Variants in RTN4IP1 observed in about 807,000 individuals in gnomAD.
RTN4IP1 encodes reticulon 4 interacting protein 1, also known as NAD(P)H oxidoreductase RTN4IP1, mitochondrial.
In RTN4IP1, 32 loss-of-function variants were observed where a neutral mutation model predicts 46.6. That is an observed-to-expected ratio of 0.69 (90% CI 0.52 to 0.92). RTN4IP1 has a LOEUF of 0.92. Among genes scored for constraint, RTN4IP1 ranks in the 40% least tolerant of loss-of-function variants. The pLI, the probability that RTN4IP1 is intolerant of heterozygous loss-of-function variation, is 0.00. For missense variants in RTN4IP1, 424 were observed against 485.8 expected (o/e 0.87, Z 1.20); for synonymous variants, 167 against 161.8 (o/e 1.03, Z -0.24).
In RTN4IP1 at chr6:106,580,148, A is replaced by G. The variant is rs1240378108; in HGVS notation, c.1083+3180T>C. On this transcript the variant is annotated intron_variant, in intron 8 of 8. Coordinates refer to ENST00000369063, the MANE Select transcript of RTN4IP1 (RefSeq NM_032730.5). ...AGAATGGTGTGAACCCGGGAGGCGGAGCTTGCAGTGAGCTGAGATCGCGCC... is the reference window on the plus strand; with the variant it reads ...AGAATGGTGTGAACCCGGGAGGCGGGGCTTGCAGTGAGCTGAGATCGCGCC... 2.7e-5 allele frequency among the ~76,000 whole-genome samples: 4 copies of G among 147,242 alleles called. No individual in the cohort carries two copies. In the East Asian group the frequency reaches 8.3e-4, roughly 31 times the overall value.
intron 7 of RTN4IP1, among the ~76,000 whole-genome samples, chr6:106,586,375 A>T (rs548194132): frequency 1.3e-5 from 2 of 151,892 alleles, no homozygotes; most frequent in Non-Finnish European, 2.9e-5. Context: ...TTAAAAAAAT[A>T]GAATTTGTTT....
chr6:106,613,436 G>C (rs562209108), intron 4 of RTN4IP1, among the ~76,000 whole-genome samples: 1 of 152,264 alleles, frequency 6.6e-6, no homozygotes, highest in South Asian at 2.1e-4. Context: ...AAAGCCAGAA[G>C]CTAGTCTGTG....
chr6:106,585,298 ACT>A (rs1775458017), intron 7 of RTN4IP1, among the ~76,000 whole-genome samples: 4 of 152,146 alleles, frequency 2.6e-5, no homozygotes, highest in African/African-American at 9.7e-5. Flanking sequence ...ACACAGCAAG[ACT>A]CTGTCTCTAC....
At chr6:106,597,120 C>T (rs1003531832) in intron 5 of RTN4IP1, among the ~76,000 whole-genome samples, 3 of 151,836 alleles carry the variant, frequency 2.0e-5, no homozygotes, top group Admixed American at 6.6e-5. Context: ...AGTAATTTTC[C>T]TTAGTGTTGC....
chr6:106,571,103 T>C lies in RTN4IP1; in HGVS notation c.*893A>G, dbSNP rs1389651994. On this transcript the variant is annotated 3_prime_UTR_variant, in exon 9 of 9. Transcript: ENST00000369063. ...ATGGAAAAGCCCTCAGAGAAGCATG[T>C]TTCAATTGCCGAAACAGGCCTAATC... 1 of 152,206 alleles carries C rather than the reference T, an allele frequency of 6.6e-6. No individual in the cohort carries two copies. The highest frequency in any genetic ancestry group is 1.5e-5 in the Non-Finnish European group (1 of 68,036). 9.4% of individuals were successfully genotyped at this position (152,206 alleles called of 1,614,324 possible).
intron 4 of RTN4IP1, among the ~76,000 whole-genome samples, chr6:106,605,129 CT>C (rs963430693): frequency 6.6e-6 from 1 of 152,188 alleles, no homozygotes; most frequent in African/African-American, 2.4e-5. Context: ...CCTGGCACCC[CT>C]ATGTCCAACA....
chr6:106,610,646 A>T (rs1776201742), intron 4 of RTN4IP1, among the ~76,000 whole-genome samples: 1 of 151,998 alleles, frequency 6.6e-6, no homozygotes, highest in Admixed American at 6.5e-5. Context: ...TGGTTTATAT[A>T]AAGTGTGTAC....
At chr6:106,572,476 C>T (rs529857341) in intron 8 of RTN4IP1, 36 of 188,318 alleles carry the variant, frequency 1.9e-4, no homozygotes, top group East Asian at 1.6e-3. Flanking sequence ...ATTTTCTCCA[C>T]GTGGTATGTT....
At chr6:106,621,294 A>G (rs1776480326) in intron 3 of RTN4IP1, 131 bp downstream of exon 3, 1 of 654,586 alleles carries the variant, frequency 1.5e-6, no homozygotes, top group South Asian at 1.9e-5. Context: ...AAAAATTCCT[A>G]TATTCTATAT....
chr6:106,620,357 C>T (rs541696784), intron 3 of RTN4IP1, among the ~76,000 whole-genome samples: 15 of 152,272 alleles, frequency 9.9e-5, no homozygotes, highest in African/African-American at 2.9e-4. Context: ...CGCACCTCGG[C>T]CTCCCAAAAT....
intron 4 of RTN4IP1, among the ~76,000 whole-genome samples, chr6:106,606,986 C>T (rs932695581): frequency 2.6e-5 from 4 of 152,066 alleles, no homozygotes; most frequent in East Asian, 1.9e-4. Flanking sequence ...CATCACCCTA[C>T]CTGACTTCAA....
At chr6:106,598,164 ATG>A (rs1775849467) in intron 5 of RTN4IP1, among the ~76,000 whole-genome samples, 1 of 152,080 alleles carries the variant, frequency 6.6e-6, no homozygotes, top group South Asian at 2.1e-4. Context: ...ATACGTGTGC[ATG>A]TGTCTTTATA....
chr6:106,627,095 T>G (rs1332773815), intron 1 of RTN4IP1, among the ~76,000 whole-genome samples: 1 of 151,956 alleles, frequency 6.6e-6, no homozygotes, highest in Non-Finnish European at 1.5e-5. Flanking sequence ...AAGCTACTGT[T>G]TCAGATATCT....
At chr6:106,607,060 C>A (rs1269868419) in intron 4 of RTN4IP1, among the ~76,000 whole-genome samples, 1 of 151,966 alleles carries the variant, frequency 6.6e-6, no homozygotes, top group East Asian at 1.9e-4. Flanking sequence ...GATACATAGA[C>A]CAATGGAACA....
chr6:106,599,357 G>A (rs975720379), intron 5 of RTN4IP1, among the ~76,000 whole-genome samples: 1 of 151,366 alleles, frequency 6.6e-6, no homozygotes, highest in Non-Finnish European at 1.5e-5. Context: ...TTAAGAATTA[G>A]AATACCACCT....
At chr6:106,573,757 C>T (rs1775146100) in intron 8 of RTN4IP1, among the ~76,000 whole-genome samples, 1 of 152,172 alleles carries the variant, frequency 6.6e-6, no homozygotes, top group Non-Finnish European at 1.5e-5. Flanking sequence ...TGAGCCTTTC[C>T]TATAGCATCT....
At chr6:106,580,627 G>A (rs1174933872) in intron 8 of RTN4IP1, among the ~76,000 whole-genome samples, 1 of 151,136 alleles carries the variant, frequency 6.6e-6, no homozygotes, top group Non-Finnish European at 1.5e-5. Context: ...GCTGAGGCAG[G>A]AGAATCGCTT....
intron 3 of RTN4IP1, among the ~76,000 whole-genome samples, chr6:106,619,929 A>G (rs1340383593): frequency 6.6e-6 from 1 of 151,280 alleles, no homozygotes; most frequent in Non-Finnish European, 1.5e-5. Flanking sequence ...TCTTAATAAC[A>G]TTTTTTCTAG....
At chr6:106,584,682 C>T (rs575459908) in intron 7 of RTN4IP1, among the ~76,000 whole-genome samples, 1 of 152,324 alleles carries the variant, frequency 6.6e-6, no homozygotes, top group African/African-American at 2.4e-5. Context: ...CAAAATGCCT[C>T]ACACATAGGA....
Sources: gnomAD v4.1 joint callset for allele counts (sites outside exome capture counted in the v4.1 genomes callset) on GRCh38, gnomAD v4.1.1 for gene constraint, MANE v1.5 for transcripts, NCBI Gene and HGNC (gene_info 2026-07-23, HGNC 2026-07-21) for gene names.